Variants in LHFPL2 observed in about 807,000 individuals in gnomAD.
LHFPL2 encodes LHFPL tetraspan subfamily member 2, also known as LHFPL tetraspan subfamily member 2 protein.
In LHFPL2, 7 loss-of-function variants were observed where a neutral mutation model predicts 17.5. The ratio of observed to expected loss-of-function variants is 0.40; its 90% confidence interval spans 0.23 to 0.75. The LOEUF (loss-of-function observed/expected upper bound fraction) is 0.75. LHFPL2 is among the 30% of genes least tolerant of loss of function. The pLI is 0.37. For missense variants in LHFPL2, 241 were observed against 294.8 expected, an observed-to-expected ratio of 0.82 and a Z score of 1.34; for synonymous variants, 134 against 116.2, an observed-to-expected ratio of 1.15 and a Z score of -0.99.
At chr5:78,549,147 C>T (rs978862591) in intron 3 of LHFPL2, 1 of 152,338 alleles carries the variant, frequency 6.6e-6, no homozygotes, top group Non-Finnish European at 1.5e-5. Context: ...GCTTCCTTCA[C>T]GTGTCTGGTC....
chr5:78,547,635 A>G (rs550978554), intron 3 of LHFPL2, among the ~76,000 whole-genome samples: 3 of 152,362 alleles, frequency 2.0e-5, no homozygotes, highest in Admixed American at 2.0e-4. Context: ...GTACCAGCAC[A>G]GTTTCCACAC....
At chr5:78,593,924 C>T (rs1247237622) in intron 2 of LHFPL2, among the ~76,000 whole-genome samples, 6 of 152,210 alleles carry the variant, frequency 3.9e-5, no homozygotes, top group Admixed American at 1.3e-4. Context: ...GAGAGGATAT[C>T]TCATTCCTAT....
chr5:78,633,936 T>C (rs1165208835), intron 1 of LHFPL2, among the ~76,000 whole-genome samples: 2 of 152,048 alleles, frequency 1.3e-5, no homozygotes, highest in Non-Finnish European at 2.9e-5. Context: ...CCTGGAAGGC[T>C]CCATGTGGTT....
chr5:78,541,345 C>G (rs1756107409), intron 3 of LHFPL2, among the ~76,000 whole-genome samples: 1 of 152,166 alleles, frequency 6.6e-6, no homozygotes, highest in Non-Finnish European at 1.5e-5. Flanking sequence ...CTGACCAAGG[C>G]CCCATGGTCT....
At chr5:78,512,919 T>A (rs1755181132) in intron 3 of LHFPL2, among the ~76,000 whole-genome samples, 1 of 152,062 alleles carries the variant, frequency 6.6e-6, no homozygotes. Context: ...CATGCCTGGC[T>A]AAATTTTTGT....
chr5:78,645,781 C>T (rs2112534635), intron 1 of LHFPL2, among the ~76,000 whole-genome samples: 1 of 152,238 alleles, frequency 6.6e-6, no homozygotes, highest in East Asian at 1.9e-4. Context: ...CAGGCTTTCG[C>T]TATGTTGGCC....
chr5:78,612,354 T>C (rs913737893), intron 2 of LHFPL2, among the ~76,000 whole-genome samples: 19 of 152,308 alleles, frequency 1.2e-4, no homozygotes, highest in African/African-American at 4.6e-4. Flanking sequence ...CAGAGTAGGA[T>C]TTGCATCTTT....
chr5:78,553,382 T>C (rs1027484554), intron 3 of LHFPL2, among the ~76,000 whole-genome samples: 4 of 152,164 alleles, frequency 2.6e-5, no homozygotes, highest in African/African-American at 9.7e-5. Context: ...CCCAATATAA[T>C]TGGTTGACCA....
chr5:78,491,748 T>A (rs879704507), intron 4 of LHFPL2, among the ~76,000 whole-genome samples: 10 of 152,182 alleles, frequency 6.6e-5, no homozygotes, highest in Non-Finnish European at 1.3e-4. Context: ...AATTGTGAAG[T>A]CTGTTCTACC....
intron 3 of LHFPL2, among the ~76,000 whole-genome samples, chr5:78,547,274 A>G (rs1756306066): frequency 6.6e-6 from 1 of 152,216 alleles, no homozygotes; most frequent in African/African-American, 2.4e-5. Flanking sequence ...ACAAACCACG[A>G]TCTTGTGCTT....
chr5:78,644,217 G>A, intron 1 of LHFPL2: 1 of 634,574 alleles, frequency 1.6e-6, no homozygotes, highest in Non-Finnish European at 2.8e-6. Context: ...ATGCATACAG[G>A]GAGTTGAAAT....
chr5:78,584,536 C>T (rs983023572), intron 2 of LHFPL2, among the ~76,000 whole-genome samples: 20 of 151,996 alleles, frequency 1.3e-4, no homozygotes, highest in Admixed American at 2.6e-4. Flanking sequence ...GTTGGAGTAC[C>T]GGGCCGTGTG....
chr5:78,523,093 G>C (rs1245644175), intron 3 of LHFPL2, among the ~76,000 whole-genome samples: 3 of 147,348 alleles, frequency 2.0e-5, no homozygotes, highest in African/African-American at 7.7e-5. Flanking sequence ...TCTGGCGTGT[G>C]CACGTGTGTG....
chr5:78,541,495 C>T (rs1350173418), intron 3 of LHFPL2, among the ~76,000 whole-genome samples: 2 of 152,182 alleles, frequency 1.3e-5, no homozygotes, highest in East Asian at 1.9e-4. Context: ...TTCACATTTA[C>T]TCTGGTGTGG....
chr5:78,490,780 A>G (rs1754417328), intron 4 of LHFPL2, among the ~76,000 whole-genome samples: 1 of 146,920 alleles, frequency 6.8e-6, no homozygotes. Flanking sequence ...ATACTGCAAG[A>G]GGAGGAGGAG....
In LHFPL2 at chr5:78,509,993, T is replaced by G. The variant is rs1755056935; in HGVS notation, c.221A>C (p.Gln74Pro). Residue 74 changes from glutamine to proline, a missense_variant, in exon 4 of 5, where the codon CAG (glutamine) becomes CCG (proline). Transcript: ENST00000380345. ...GCACAGCGTGTCCCGCTGGAAGTGC[T>G]GCACCCCTGGGTTCCGGATGCAGCG... ...YARCIRNPGV[Q>P]HFQRDTLCGP... 6.2e-7 allele frequency: 1 copy of G among 1,613,520 alleles called. No homozygotes were observed. Among genetic ancestry groups the G allele is most frequent in the Non-Finnish European group, 8.5e-7 (1 of 1,179,910 alleles).
rs570919249 is a variant in LHFPL2 at position 78,535,336 on chromosome 5, AC to A, written c.-185-24939del. ...GACAGACACAGACACTGACAGACAG[AC>A]CCCCCTCAGATTCCCCAGATCTGGA... On this transcript the variant is annotated intron_variant, in intron 3 of 4. Coordinates refer to ENST00000380345, the MANE Select transcript of LHFPL2 (RefSeq NM_005779.3). Among the ~76,000 whole-genome samples the A allele has an allele frequency of 2.1e-3, 321 of 151,244 alleles. 1 individual carries two copies. The highest frequency in any genetic ancestry group is 4.0e-3 in the Non-Finnish European group (273 of 67,754).
chr5:78,576,796 G>A (rs1207698189), intron 2 of LHFPL2, among the ~76,000 whole-genome samples: 5 of 152,030 alleles, frequency 3.3e-5, no homozygotes, highest in Admixed American at 2.6e-4. Flanking sequence ...TAGGTTCAGG[G>A]GTACATAGGC....
intron 3 of LHFPL2, among the ~76,000 whole-genome samples, chr5:78,511,721 C>G (rs1264373296): frequency 6.6e-6 from 1 of 152,226 alleles, no homozygotes; most frequent in African/African-American, 2.4e-5. Flanking sequence ...TGCTGGCTGA[C>G]TTCCTAGTGA....
Sources: gnomAD v4.1 joint callset for allele counts (sites outside exome capture counted in the v4.1 genomes callset) on GRCh38, gnomAD v4.1.1 for gene constraint, MANE v1.5 for transcripts, NCBI Gene and HGNC (gene_info 2026-07-23, HGNC 2026-07-21) for gene names.